Variants in NCALD observed in about 807,000 individuals in gnomAD.
NCALD encodes the protein neurocalcin-delta.
A neutral mutation model predicts 18.6 loss-of-function variants in NCALD; 10 were observed. The ratio of observed to expected loss-of-function variants is 0.54; its 90% CI spans 0.33 to 0.91. The LOEUF (loss-of-function observed/expected upper bound fraction) is 0.91. Among genes scored for constraint, NCALD ranks in the 40% least tolerant of loss-of-function variants. The probability of loss-of-function intolerance (pLI) is 0.03; values close to 1 mark genes in which losing one functional copy is unlikely to be tolerated. For missense variants in NCALD, 184 were observed against 247.6 expected (o/e 0.74, Z 1.72); for synonymous variants, 88 against 87.4 (o/e 1.01, Z -0.04).
intron 1 of NCALD, among the ~76,000 whole-genome samples, chr8:101,742,089 T>A (rs1420750349): frequency 7.4e-5 from 6 of 81,174 alleles, no homozygotes; most frequent in African/African-American, 1.9e-4. Context: ...CTGTCTCTAC[T>A]GAAAAAAAAA....
chr8:101,870,272 A>G (rs1004676933), intron 4 of NCALD, among the ~76,000 whole-genome samples: 18 of 152,244 alleles, frequency 1.2e-4, no homozygotes, highest in African/African-American at 4.3e-4. Flanking sequence ...GAGCAGTGTT[A>G]GAAACGAGTA....
chr8:102,049,804 T>C (rs901657664), intron 1 of NCALD, among the ~76,000 whole-genome samples: 1 of 152,168 alleles, frequency 6.6e-6, no homozygotes, highest in African/African-American at 2.4e-5. Context: ...TCTTTTCATG[T>C]TTGCCCTCTG....
intron 2 of NCALD, among the ~76,000 whole-genome samples, chr8:101,699,605 T>C (rs1815163410): frequency 6.6e-6 from 1 of 152,172 alleles, no homozygotes; most frequent in Non-Finnish European, 1.5e-5. Context: ...GATCATGTCC[T>C]TTGCAGGGAC....
At chr8:101,886,477 T>C (rs1199583798) in intron 4 of NCALD, among the ~76,000 whole-genome samples, 1 of 152,224 alleles carries the variant, frequency 6.6e-6, no homozygotes, top group African/African-American at 2.4e-5. Context: ...AATTCTTCAC[T>C]AGCTCTCGTC....
chr8:101,853,612 A>T (rs1392431247), intron 4 of NCALD, among the ~76,000 whole-genome samples: 1 of 152,196 alleles, frequency 6.6e-6, no homozygotes, highest in Non-Finnish European at 1.5e-5. Context: ...AAGAAGAAAC[A>T]AATGACTATT....
At chr8:101,723,080 G>A (rs541892367) in intron 1 of NCALD, among the ~76,000 whole-genome samples, 63 of 152,242 alleles carry the variant, frequency 4.1e-4, no homozygotes, top group African/African-American at 1.3e-3. Context: ...CGTTTGAGTC[G>A]AAGGGATGGG....
At chr8:101,952,210 T>C (rs1362725740) in intron 2 of NCALD, among the ~76,000 whole-genome samples, 4 of 152,148 alleles carry the variant, frequency 2.6e-5, no homozygotes, top group African/African-American at 9.7e-5. Context: ...TGCTGGGTCT[T>C]GTCCACGCAA....
At chr8:101,719,231 T>A in intron 2 of NCALD, 21 bp downstream of exon 2, 1 of 1,601,468 alleles carries the variant, frequency 6.2e-7, no homozygotes, top group Non-Finnish European at 8.5e-7. Flanking sequence ...CTTCTTTTTT[T>A]AAAGGGCTCA....
rs531948517 is a variant in NCALD at position 102,076,859 on chromosome 8, A to G, written c.-210+47378T>C. On this transcript the variant is annotated intron_variant, in intron 1 of 6. Coordinates refer to the NCALD transcript ENST00000311028. ...ACACACACTTGAAGTTGTTTTTCTA[A>G]TGGTGATGGTAGACTTATACAATTG... is the stretch of plus-strand genomic sequence containing the variant. 2.4e-4 allele frequency among the ~76,000 whole-genome samples: 37 copies of G among 152,308 alleles called. 1 individual carries two copies. In the South Asian group the frequency reaches 7.0e-3, roughly 29 times the overall value.
At chr8:101,885,996 A>G (rs1318550972) in intron 4 of NCALD, among the ~76,000 whole-genome samples, 1 of 152,204 alleles carries the variant, frequency 6.6e-6, no homozygotes, top group Non-Finnish European at 1.5e-5. Context: ...AGACTGCCTG[A>G]TCATTACTAG....
At chr8:101,768,429 C>T (rs1286107354) in intron 1 of NCALD, among the ~76,000 whole-genome samples, 1 of 152,162 alleles carries the variant, frequency 6.6e-6, no homozygotes, top group Non-Finnish European at 1.5e-5. Context: ...GGTAAATTAG[C>T]CTGGTGCGGT....
chr8:101,839,512 C>T (rs184458237), intron 4 of NCALD, among the ~76,000 whole-genome samples: 27 of 152,224 alleles, frequency 1.8e-4, no homozygotes, highest in Admixed American at 7.2e-4. Flanking sequence ...GGGTGACTTA[C>T]GGAGCCTACA....
At chr8:102,035,551 T>G (rs1822833368) in intron 1 of NCALD, among the ~76,000 whole-genome samples, 1 of 152,114 alleles carries the variant, frequency 6.6e-6, no homozygotes, top group African/African-American at 2.4e-5. Flanking sequence ...AGAAAGGCAG[T>G]AGAATCCAGG....
chr8:101,786,643 A>G (rs911768842), intron 1 of NCALD, among the ~76,000 whole-genome samples: 1 of 152,202 alleles, frequency 6.6e-6, no homozygotes, highest in African/African-American at 2.4e-5. Context: ...AATTCATTAA[A>G]GCAAACAAAA....
chr8:102,074,260 T>A (rs1391700059), intron 1 of NCALD, among the ~76,000 whole-genome samples: 1 of 152,150 alleles, frequency 6.6e-6, no homozygotes, highest in Non-Finnish European at 1.5e-5. Context: ...TTCATCAACA[T>A]CTGCTCTCAT....
In NCALD at chr8:101,931,007, C is replaced by T. The variant is rs534171107; in HGVS notation, c.-156-15149G>A. On this transcript the variant is annotated intron_variant, in intron 2 of 6. Coordinates refer to the NCALD transcript ENST00000311028. ...GATTCTGCTTTCTGAACTAGAAGCT[C>T]CTTATCAGTACCATATAAGCAGAGG... 7.2e-5 allele frequency among the ~76,000 whole-genome samples: 11 copies of T among 152,202 alleles called. 1 individual carries two copies. The South Asian group carries it at 2.1e-3, about 29-fold the overall frequency.
At chr8:101,962,444 A>G (rs1265090741) in intron 2 of NCALD, among the ~76,000 whole-genome samples, 4 of 152,216 alleles carry the variant, frequency 2.6e-5, no homozygotes, top group Non-Finnish European at 5.9e-5. Flanking sequence ...TGGCCTATGC[A>G]GCACCTAGCT....
At chr8:101,715,314 A>T (rs867975926) in intron 2 of NCALD, among the ~76,000 whole-genome samples, 1 of 152,234 alleles carries the variant, frequency 6.6e-6, no homozygotes, top group Non-Finnish European at 1.5e-5. Flanking sequence ...CTTACACCTT[A>T]TACAAAAATT....
chr8:101,928,243 C>T (rs1818410406), intron 2 of NCALD, among the ~76,000 whole-genome samples: 1 of 152,186 alleles, frequency 6.6e-6, no homozygotes, highest in Non-Finnish European at 1.5e-5. Context: ...CCACAGCTAA[C>T]CCGGTAGAAG....
Sources: allele counts gnomAD v4.1 joint callset (sites outside exome capture counted in the v4.1 genomes callset), GRCh38; gene constraint gnomAD v4.1.1; transcripts MANE v1.5; gene names NCBI Gene and HGNC (gene_info 2026-07-23, HGNC 2026-07-21).